The following SPOPL variants were observed in gnomAD, a reference collection of about 807,000 sequenced individuals.
The protein encoded by SPOPL is speckle-type POZ protein-like.
A neutral mutation model predicts 53.8 loss-of-function variants in SPOPL; 23 were observed. The ratio of observed to expected loss-of-function variants is 0.43; its 90% CI spans 0.31 to 0.61. The LOEUF (loss-of-function observed/expected upper bound fraction) is 0.61. SPOPL is among the 20% of genes least tolerant of loss of function. SPOPL has a pLI of 0.12. For synonymous variants in SPOPL, 164 were observed against 149.7 expected, an observed-to-expected ratio of 1.10 and a Z score of -0.70; for missense variants, 442 against 466.9, an observed-to-expected ratio of 0.95 and a Z score of 0.49.
intron 1 of SPOPL, among the ~76,000 whole-genome samples, chr2:138,544,495 A>G (rs890057688): frequency 4.6e-5 from 7 of 152,206 alleles, no homozygotes; most frequent in Non-Finnish European, 8.8e-5. Context: ...CTGTGTTAGC[A>G]ATGAGCGAGG....
chr2:138,555,648 A>G (rs1685407943), intron 5 of SPOPL, among the ~76,000 whole-genome samples: 1 of 152,216 alleles, frequency 6.6e-6, no homozygotes, highest in East Asian at 1.9e-4. Context: ...CCTGGCTTTT[A>G]GAATTAGTTG....
At position 138,555,161 on chromosome 2, in the gene SPOPL, TGTGTGTGTGC is replaced by T. The variant is rs1476871802; in HGVS notation, c.480+2482_480+2491del. On this transcript the variant is annotated intron_variant, in intron 5 of 10. Coordinates refer to ENST00000280098, the MANE Select transcript of SPOPL (RefSeq NM_001001664.3). ...GTGTGTGTGTGTGTGTGTGTGTGTGTGTGTGTGTGCGAGCCAGACTCGCTTTAATAAACTC... is the reference window on the plus strand; with the variant it reads ...GTGTGTGTGTGTGTGTGTGTGTGTGTGAGCCAGACTCGCTTTAATAAACTC... 1.1e-3 allele frequency among the ~76,000 whole-genome samples: 161 copies of T among 151,398 alleles called. 1 individual carries two copies. The highest frequency in any genetic ancestry group is 3.7e-3 in the African/African-American group (153 of 41,120).
rs1685629493 is a variant in SPOPL at position 138,564,963 on chromosome 2, G to A, written c.1004G>A (p.Gly335Glu). Residue 335 changes from glycine (G) to glutamate (E), a missense_variant, in exon 10 of 11, where the codon GGG becomes GAG. Physicochemically the swap from Gly to Glu is moderately conservative, Grantham distance 98. Coordinates refer to ENST00000280098, the MANE Select transcript of SPOPL (RefSeq NM_001001664.3). ...INRCSVLRQLGCKDGKNWNSN... is the reference protein window; with the variant it reads ...INRCSVLRQLECKDGKNWNSN... ...AGGTGCAGTGTACTTCGACAACTTG[G>A]GTGTAAAGATGGGAAAAACTGGAAC... 1.2e-6 allele frequency: 2 copies of A among 1,613,972 alleles called. No homozygotes were observed. Among genetic ancestry groups the A allele is most frequent in the Non-Finnish European group, 1.7e-6 (2 of 1,179,992 alleles).
In SPOPL at chr2:138,565,010, T is replaced by C; in HGVS notation, c.1034+17T>C. The C allele has an allele frequency of 6.2e-7, 1 of 1,613,682 alleles. No homozygotes were observed. The highest frequency in any genetic ancestry group is 1.3e-5 in the African/African-American group (1 of 75,040). ...GAACAGCAAGTAAGATGACATCAGT[T>C]TCTGACTCAAAGTTGCTCTACATAA... On this transcript the variant is annotated intron_variant, in intron 10 of 10. Coordinates refer to ENST00000280098, the MANE Select transcript of SPOPL (RefSeq NM_001001664.3).
rs1450659245 is a variant in SPOPL at position 138,550,968 on chromosome 2, T to A, written c.266T>A (p.Leu89His). Reference protein sequence around the residue: ...ESKDYLSLYLLLVSCPKSEVR... With the variant: ...ESKDYLSLYLHLVSCPKSEVR... Reference sequence around the variant, plus strand: ...AAAGACTACTTGTCCTTATATTTGCTTTTAGTCAGCTGCCCCAAAAGTGAA... The same window carrying A: ...AAAGACTACTTGTCCTTATATTTGCATTTAGTCAGCTGCCCCAAAAGTGAA... Residue 89 changes from leucine to histidine, a missense_variant, in exon 4 of 11, where the codon CTT (leucine) becomes CAT (histidine). By Grantham distance (99) the Leu-to-His change is moderately conservative (BLOSUM62 -3). Transcript: ENST00000280098. 3 of 1,613,430 alleles carry A rather than the reference T, an allele frequency of 1.9e-6. No individual in the cohort carries two copies. The African/African-American group carries it at 4.0e-5, about 22-fold the overall frequency.
rs1055954714 is a variant in SPOPL, at chr2:138,569,865, T to C, written c.*785T>C. On this transcript the variant is annotated 3_prime_UTR_variant, in exon 11 of 11. Coordinates refer to ENST00000280098, the MANE Select transcript of SPOPL (RefSeq NM_001001664.3). ...CGAAGAATTCTGTACATGTTAAAAG[T>C]AAGGATGACCAAATGCAAATTTAAT... The C allele has an allele frequency of 3.3e-5, 5 of 152,570 alleles. No homozygotes were observed. Among genetic ancestry groups the C allele is most frequent in the African/African-American group, 1.2e-4 (5 of 41,444 alleles). The allele number at this position is 152,570 out of a possible 1,614,324, so 9.5% of individuals were successfully genotyped here. A position where few individuals can be genotyped will look rare whatever the true frequency, so the allele number is the denominator to read the frequency against.
Position 138,569,063 on chromosome 2 carries a change from C to T in SPOPL, c.1162C>T (p.Arg388Trp), listed in dbSNP as rs745359213. Residue 388 changes from arginine to tryptophan, a missense_variant, in exon 11 of 11, where the codon CGG (arginine) becomes TGG (tryptophan). Arg to Trp is a moderately radical substitution (Grantham distance 101). Coordinates refer to ENST00000280098, the MANE Select transcript of SPOPL (RefSeq NM_001001664.3). Reference sequence around the variant, plus strand: ...TCCACAGTTTGGCATTCCACGCAAACGGCTAAAACAGTCCTGAAATCTTCC... The same window carrying T: ...TCCACAGTTTGGCATTCCACGCAAATGGCTAAAACAGTCCTGAAATCTTCC... ...QCPQFGIPRK[R>W]LKQS 1.9e-5 allele frequency: 30 copies of T among 1,613,206 alleles called. No homozygotes were observed. In the South Asian group the frequency reaches 1.9e-4, roughly 10 times the overall value.
At position 138,571,462 on chromosome 2, in the gene SPOPL, T is replaced by C. The variant is rs1685779586; in HGVS notation, c.*2382T>C. 6.6e-6 allele frequency: 1 copy of C among 152,540 alleles called. No homozygotes were observed. The highest frequency in any genetic ancestry group is 1.5e-5 in the Non-Finnish European group (1 of 67,988). The allele number at this position is 152,540 out of a possible 1,614,324, so 9.4% of individuals were successfully genotyped here. A position where few individuals can be genotyped will look rare whatever the true frequency, so the allele number is the denominator to read the frequency against. Reference sequence around the variant, plus strand: ...AAACACTGTGCTGTAAGAATATCCATGTTTGTAGAAATGTCCACTTTTCAG... The same window carrying C: ...AAACACTGTGCTGTAAGAATATCCACGTTTGTAGAAATGTCCACTTTTCAG... On this transcript the variant is annotated 3_prime_UTR_variant, in exon 11 of 11. Transcript: ENST00000280098.
intron 1 of SPOPL, among the ~76,000 whole-genome samples, chr2:138,529,981 C>T (rs1416473052): frequency 6.6e-6 from 1 of 152,128 alleles, no homozygotes; most frequent in Non-Finnish European, 1.5e-5. Flanking sequence ...CCACGCTTTA[C>T]CCTCTAATAG....
chr2:138,534,752 A>G (rs1433168058), intron 1 of SPOPL, among the ~76,000 whole-genome samples: 1 of 152,134 alleles, frequency 6.6e-6, no homozygotes, highest in East Asian at 1.9e-4. Flanking sequence ...CTCCATAACC[A>G]ATTACTTACC....
chr2:138,525,823 G>A (rs578152100), intron 1 of SPOPL, among the ~76,000 whole-genome samples: 94 of 149,104 alleles, frequency 6.3e-4, no homozygotes, highest in African/African-American at 2.1e-3. Context: ...GAGTTAGAAT[G>A]AGAACCTGTC....
chr2:138,554,604 T>A, intron 5 of SPOPL: 1 of 979,790 alleles, frequency 1.0e-6, no homozygotes, highest in Non-Finnish European at 1.4e-6. Flanking sequence ...CTACAGTGGT[T>A]AAAGTAGCCA....
At chr2:138,525,880 A>G (rs988217785) in intron 1 of SPOPL, among the ~76,000 whole-genome samples, 2 of 151,430 alleles carry the variant, frequency 1.3e-5, no homozygotes, top group Non-Finnish European at 2.9e-5. Context: ...TTTGCATTAC[A>G]TGAGAGAGTA....
At chr2:138,555,487 A>G (rs61353754) in intron 5 of SPOPL, among the ~76,000 whole-genome samples, 387 of 152,226 alleles carry the variant, frequency 2.5e-3, no homozygotes, top group Middle Eastern at 0.014. Flanking sequence ...ACACCAATCT[A>G]TGAAAATCAA....
chr2:138,542,664 A>G (rs1171332738), intron 1 of SPOPL, among the ~76,000 whole-genome samples: 3 of 152,150 alleles, frequency 2.0e-5, no homozygotes, highest in Non-Finnish European at 4.4e-5. Context: ...AATACAGCAC[A>G]CTGATGGGTC....
intron 1 of SPOPL, among the ~76,000 whole-genome samples, chr2:138,503,945 T>C (rs539634144): frequency 2.2e-3 from 341 of 152,346 alleles, no homozygotes; most frequent in African/African-American, 7.3e-3. Context: ...TTCACATGTC[T>C]TCTTGGCTTG....
chr2:138,557,366 A>T (rs1685449608), intron 5 of SPOPL, among the ~76,000 whole-genome samples: 1 of 152,218 alleles, frequency 6.6e-6, no homozygotes, highest in Non-Finnish European at 1.5e-5. Context: ...GTTAATAAAA[A>T]TATCCTCAGA....
chr2:138,503,854 A>G (rs1421759347), intron 1 of SPOPL, among the ~76,000 whole-genome samples: 5 of 152,172 alleles, frequency 3.3e-5, no homozygotes, highest in Non-Finnish European at 7.3e-5. Context: ...ATCTTCAATC[A>G]CTACTCGAGA....
rs138549071 is a variant in SPOPL, at chr2:138,534,028, A to G, written c.-60-16129A>G. ...ATTTTTTTTAACCCTACTTTGCTGGATAATTTATATATTTTATTGGTCTAG... is the reference window on the plus strand; with the variant it reads ...ATTTTTTTTAACCCTACTTTGCTGGGTAATTTATATATTTTATTGGTCTAG... On this transcript the variant is annotated intron_variant, in intron 1 of 10. Coordinates refer to ENST00000280098, the MANE Select transcript of SPOPL (RefSeq NM_001001664.3). Among the ~76,000 whole-genome samples, 852 of 152,242 alleles carry G rather than the reference A, an allele frequency of 5.6e-3. 8 individuals carry two copies. The highest frequency in any genetic ancestry group is 0.019 in the African/African-American group (796 of 41,548).
Sources: allele counts gnomAD v4.1 joint callset (sites outside exome capture counted in the v4.1 genomes callset), GRCh38; gene constraint gnomAD v4.1.1; transcripts MANE v1.5; gene names NCBI Gene and HGNC (gene_info 2026-07-23, HGNC 2026-07-21).